KMT2C: variants seen among roughly 807,000 people sequenced by gnomAD.
KMT2C encodes lysine methyltransferase 2C.
KMT2C carries 88 observed loss-of-function variants against 507.9 expected under a neutral mutation model. The ratio of observed to expected loss-of-function variants is 0.17; its 90% confidence interval spans 0.15 to 0.21. The LOEUF is 0.21. KMT2C is among the 10% of genes least tolerant of loss of function. The pLI, the probability that KMT2C is intolerant of heterozygous loss-of-function variation, is 1.00. For missense variants in KMT2C, 4,954 were observed against 5,957.8 expected, an observed-to-expected ratio of 0.83 and a Z score of 5.55; for synonymous variants, 2,049 against 2,080.8, an observed-to-expected ratio of 0.98 and a Z score of 0.42.
intron 18 of KMT2C, among the ~76,000 whole-genome samples, 177 bp downstream of exon 18, chr7:152,229,746 A>T (rs1371563748): frequency 6.6e-6 from 1 of 152,162 alleles, no homozygotes; most frequent in East Asian, 1.9e-4. Context: ...TAAGATTTAT[A>T]GAGGAGCAAA....
At chr7:152,307,240 A>AGGAG (rs1389509771) in intron 6 of KMT2C, among the ~76,000 whole-genome samples, 1 of 127,684 alleles carries the variant, frequency 7.8e-6, no homozygotes, top group Admixed American at 7.5e-5. Flanking sequence ...GAAGGAAGGA[A>AGGAG]GGAAGGAAGG....
chr7:152,173,965 A>G (rs2093077464), intron 39 of KMT2C, among the ~76,000 whole-genome samples, 166 bp downstream of exon 39: 1 of 152,238 alleles, frequency 6.6e-6, no homozygotes, highest in Non-Finnish European at 1.5e-5. Flanking sequence ...TTAAATTGGT[A>G]TAGCATTTTG....
In KMT2C at chr7:152,238,748, G is replaced by A. The variant is rs1210375045; in HGVS notation, c.2611C>T (p.Pro871Ser). Reference sequence around the variant, plus strand: ...ATGGCACTGCCAGGAAGCTGCCTGGGTTTAAAAATTTCCCGACCTTCTGAA... The same window carrying A: ...ATGGCACTGCCAGGAAGCTGCCTGGATTTAAAAATTTCCCGACCTTCTGAA... The part of the protein sequence containing the change: ...DISEGREIFK[P>S]RQLPGSAIWS... The change falls in exon 15 of 59, where the codon CCC (proline) becomes TCC (serine). Residue 871 changes from proline (P) to serine (S), a missense_variant. Physicochemically the swap from Pro to Ser is moderately conservative, Grantham distance 74. Transcript: ENST00000262189. The A allele has an allele frequency of 6.2e-7, 1 of 1,610,566 alleles. No individual in the cohort carries two copies. Among genetic ancestry groups the A allele is most frequent in the African/African-American group, 1.3e-5 (1 of 74,918 alleles).
At chr7:152,374,701 C>G (rs1229500743) in intron 1 of KMT2C, among the ~76,000 whole-genome samples, 3 of 151,878 alleles carry the variant, frequency 2.0e-5, no homozygotes, top group Non-Finnish European at 4.4e-5. Flanking sequence ...GAGTTCCAGA[C>G]CAGCCTGGCC....
intron 1 of KMT2C, among the ~76,000 whole-genome samples, chr7:152,418,878 T>C (rs1481723502): frequency 2.7e-5 from 4 of 147,234 alleles, no homozygotes; most frequent in Non-Finnish European, 4.5e-5. Context: ...AAAAAAACTG[T>C]GTATATGAAA....
chr7:152,399,401 T>C (rs1310059271), intron 1 of KMT2C, among the ~76,000 whole-genome samples: 1 of 151,652 alleles, frequency 6.6e-6, no homozygotes, highest in Non-Finnish European at 1.5e-5. Flanking sequence ...AAAGTAAAAT[T>C]AATGGAAAGA....
At chr7:152,304,898 A>G (rs897741788) in intron 6 of KMT2C, among the ~76,000 whole-genome samples, 22 of 152,252 alleles carry the variant, frequency 1.4e-4, no homozygotes, top group African/African-American at 4.8e-4. Context: ...TTCAATAGCT[A>G]TATCGCCCCT....
intron 23 of KMT2C, among the ~76,000 whole-genome samples, chr7:152,215,076 GA>G (rs200885322): frequency 0.014 from 2,031 of 146,520 alleles, 51 homozygotes; most frequent in African/African-American, 0.046. Context: ...AAAAATAAAT[GA>G]AAAAAAAAAC....
intron 37 of KMT2C, among the ~76,000 whole-genome samples, 198 bp downstream of exon 37, chr7:152,179,636 A>T (rs890720600): frequency 2.3e-5 from 3 of 129,724 alleles, no homozygotes; most frequent in Non-Finnish European, 3.3e-5. Flanking sequence ...CTTTTAAAAA[A>T]TTTTTAAATT....
chr7:152,264,730 T>G (rs79354685), intron 8 of KMT2C, among the ~76,000 whole-genome samples: 5 of 151,468 alleles, frequency 3.3e-5, no homozygotes, highest in African/African-American at 9.7e-5. Flanking sequence ...ATTTTTTAAA[T>G]TGTTGGCAAA....
intron 2 of KMT2C, among the ~76,000 whole-genome samples, chr7:152,351,000 C>A (rs572219593): frequency 2.0e-5 from 3 of 152,114 alleles, no homozygotes; most frequent in Non-Finnish European, 4.4e-5. Flanking sequence ...CAGGCCTACA[C>A]GAAGTCGGGA....
chr7:152,301,386 G>C (rs1430491031), intron 6 of KMT2C, among the ~76,000 whole-genome samples: 1 of 151,674 alleles, frequency 6.6e-6, no homozygotes, highest in Non-Finnish European at 1.5e-5. Context: ...GTGGGCACCT[G>C]TAATCCCAGC....
intron 23 of KMT2C, among the ~76,000 whole-genome samples, chr7:152,209,513 A>G (rs1165412229): frequency 6.6e-6 from 1 of 151,860 alleles, no homozygotes. Flanking sequence ...GACTAAATTC[A>G]TATGTTAAAA....
At position 152,181,999 on chromosome 7, in the gene KMT2C, G is replaced by T; in HGVS notation, c.5861C>A (p.Ser1954Tyr). The T allele has an allele frequency of 6.2e-7, 1 of 1,614,178 alleles. No individual in the cohort carries two copies. The highest frequency in any genetic ancestry group is 8.5e-7 in the Non-Finnish European group (1 of 1,180,028). Residue 1954 changes from serine to tyrosine, a missense_variant, in exon 36 of 59, where the codon TCT becomes TAT. Ser to Tyr is a moderately radical substitution (Grantham distance 144). This residue lies in a region of KMT2C where 1,689 missense variants were observed against 1,654.3 expected (regional missense o/e 1.02). Coordinates refer to ENST00000262189, the MANE Select transcript of KMT2C (RefSeq NM_170606.3). ...NRPSPVRDLC[S>Y]SSTTNNDPYA... ...GGGGTCATTATTTGTCGTGGAAGAA[G>T]AACATAAATCTCTGACAGGGGATGG...
intron 43 of KMT2C, among the ~76,000 whole-genome samples, chr7:152,161,607 A>T (rs1367255150): frequency 6.6e-6 from 1 of 152,224 alleles, no homozygotes; most frequent in Non-Finnish European, 1.5e-5. Context: ...ACTGATAGAA[A>T]ATTGATACAT....
intron 1 of KMT2C, among the ~76,000 whole-genome samples, chr7:152,410,368 C>A (rs1250784338): frequency 2.0e-5 from 3 of 150,558 alleles, no homozygotes; most frequent in Non-Finnish European, 2.9e-5. Flanking sequence ...GTCAAGATCG[C>A]GCCCTCGCAC....
At chr7:152,355,928 C>T (rs2097147622) in intron 2 of KMT2C, among the ~76,000 whole-genome samples, 2 of 151,912 alleles carry the variant, frequency 1.3e-5, no homozygotes, top group African/African-American at 2.4e-5. Context: ...TGCAGCACCC[C>T]CCTTATGCTA....
chr7:152,184,229 A>G (rs1206670702), intron 34 of KMT2C, among the ~76,000 whole-genome samples: 1 of 151,952 alleles, frequency 6.6e-6, no homozygotes, highest in East Asian at 1.9e-4. Context: ...AACACAGCAT[A>G]TTAACACATC....
intron 48 of KMT2C, 47 bp downstream of exon 48, chr7:152,153,963 A>C (rs2091855028): frequency 1.3e-6 from 2 of 1,592,956 alleles, no homozygotes; most frequent in Non-Finnish European, 1.7e-6. Flanking sequence ...CATCTTTGAA[A>C]ATTGGGGACA....
Sources: gnomAD v4.1 joint callset for allele counts (sites outside exome capture counted in the v4.1 genomes callset) on GRCh38, gnomAD v4.1.1 for gene constraint, gnomAD v4.1.1 regional missense constraint, MANE v1.5 for transcripts, NCBI Gene and HGNC (gene_info 2026-07-23, HGNC 2026-07-21) for gene names.